Variants in AAAS observed in about 807,000 individuals in gnomAD.
AAAS encodes the protein aladin.
In AAAS, 60 loss-of-function variants were observed where a neutral mutation model predicts 75.6. That is an observed-to-expected ratio of 0.79 (90% CI 0.64 to 0.98). AAAS has a LOEUF of 0.98. AAAS is among the 50% of genes least tolerant of loss of function. AAAS has a pLI of 0.00. For missense variants in AAAS, 658 were observed against 686.9 expected (o/e 0.96, Z 0.47); for synonymous variants, 271 against 265.0 (o/e 1.02, Z -0.22).
rs1035170468 is a variant in AAAS, at chr12:53,308,452, T to A, written c.1164A>T (p.Thr388=). The A allele has an allele frequency of 6.2e-7, 1 of 1,614,194 alleles. No homozygotes were observed. The highest frequency in any genetic ancestry group is 1.1e-5 in the South Asian group (1 of 91,088). Residue 388 remains threonine (T), a synonymous_variant, in exon 12 of 16, where the codon ACA becomes ACT. Coordinates refer to ENST00000209873, the MANE Select transcript of AAAS (RefSeq NM_015665.6). ...VADLSETTIQ[T]PDGEERLGGE... is the part of the protein sequence containing the mutation. The stretch of plus-strand genomic sequence containing the variant: ...CAGCTCACCTCTCCTCACCATCTGG[T>A]GTCTGTATTGTTGTCTCAGACAGAT...
intron 7 of AAAS, among the ~76,000 whole-genome samples, chr12:53,313,148 G>A (rs1314040077): frequency 6.8e-5 from 9 of 132,674 alleles, no homozygotes; most frequent in East Asian, 4.5e-4. Context: ...GAGCCACCGC[G>A]CCTGGCCTTT....
chr12:53,319,149 T>C (rs1041059330), intron 2 of AAAS, among the ~76,000 whole-genome samples: 2 of 152,128 alleles, frequency 1.3e-5, no homozygotes, highest in African/African-American at 4.8e-5. Flanking sequence ...ACTTAATTTC[T>C]AGGAATTTAT....
rs758440592 is a variant in AAAS at position 53,314,832 on chromosome 12, C to T, written c.464G>A (p.Arg155His). ...GGTGTGGGGGTGCCATGCAAAGACA[C>T]GCAAGCAGCAGCTGGACCTAAGGAA... The part of the protein sequence containing the change: ...QVTNWSSCCL[R>H]VFAWHPHTNK... The change falls in exon 6 of 16, where the codon CGT (arginine) becomes CAT (histidine). Residue 155 changes from arginine (R) to histidine (H), a missense_variant. By Grantham distance (29) the Arg-to-His change is conservative (BLOSUM62 0). Transcript: ENST00000209873. The T allele has an allele frequency of 6.2e-5, 100 of 1,613,708 alleles. No homozygotes were observed. Among genetic ancestry groups the T allele is most frequent in the Non-Finnish European group, 8.2e-5 (97 of 1,179,896 alleles).
rs2121089852 is a variant in AAAS, at chr12:53,309,699, C to G, written c.712G>C (p.Val238Leu). 1.2e-6 allele frequency: 2 copies of G among 1,613,350 alleles called. No individual in the cohort carries two copies. The highest frequency in any genetic ancestry group is 8.5e-7 in the Non-Finnish European group (1 of 1,179,806). ...STRPSSGCAQ[V>L]LSHPGHTPVT... ...GGTGTATGCCCAGGGTGAGACAGCA[C>G]TTGGGCACAGCCAGAAGAGGGTCTG... Residue 238 changes from valine (V) to leucine (L), a missense_variant, in exon 8 of 16, where the codon GTG (valine) becomes CTG (leucine). By Grantham distance (32) the Val-to-Leu change is conservative (BLOSUM62 1). Coordinates refer to ENST00000209873, the MANE Select transcript of AAAS (RefSeq NM_015665.6).
chr12:53,318,947 T>C (rs569212375), intron 2 of AAAS, among the ~76,000 whole-genome samples: 13 of 152,240 alleles, frequency 8.5e-5, no homozygotes, highest in Admixed American at 7.2e-4. Flanking sequence ...CAAACTGATA[T>C]TCAACTTCAC....
chr12:53,318,453 T>C (rs1944500738), intron 2 of AAAS, among the ~76,000 whole-genome samples: 1 of 152,104 alleles, frequency 6.6e-6, no homozygotes, highest in African/African-American at 2.4e-5. Context: ...CCTCAAGTGA[T>C]ACACCCGCCT....
chr12:53,308,842 G>GA, intron 10 of AAAS, 27 bp from the exon 11 acceptor site: 1 of 1,613,778 alleles, frequency 6.2e-7, no homozygotes, highest in Non-Finnish European at 8.5e-7. Context: ...AAAGGCAGGA[G>GA]AAGGTATGTC....
At chr12:53,315,259 T>C in intron 4 of AAAS, 76 bp downstream of exon 4, 4 of 1,600,156 alleles carry the variant, frequency 2.5e-6, no homozygotes, top group South Asian at 1.1e-5. Context: ...AACCCTGACC[T>C]GCAAGGATAG....
At chr12:53,308,863 T>G (rs748827317) in intron 10 of AAAS, 48 bp from the exon 11 acceptor site, 6 of 1,613,328 alleles carry the variant, frequency 3.7e-6, no homozygotes, top group Non-Finnish European at 5.1e-6. Flanking sequence ...TATAGTAGAA[T>G]GCAGGAGGGA....
intron 2 of AAAS, among the ~76,000 whole-genome samples, chr12:53,320,050 G>A (rs1055030431): frequency 3.3e-5 from 5 of 151,908 alleles, no homozygotes; most frequent in African/African-American, 7.3e-5. Flanking sequence ...AACCTGGGAG[G>A]TGGAAGTTGC....
At chr12:53,319,077 T>C (rs889833304) in intron 2 of AAAS, among the ~76,000 whole-genome samples, 1 of 152,240 alleles carries the variant, frequency 6.6e-6, no homozygotes, top group Non-Finnish European at 1.5e-5. Context: ...TGTACCATTT[T>C]GACAGAGGGC....
rs1350103900 is a variant in AAAS, at chr12:53,321,550, T to A, written c.-85A>T. The A allele has an allele frequency of 1.0e-5, 16 of 1,604,384 alleles. No homozygotes were observed. The highest frequency in any genetic ancestry group is 1.2e-5 in the Non-Finnish European group (14 of 1,177,894). ...CACTCCCGCAACTCGGTTCCCGGGC[T>A]AGATTCGTATGCGGACGGGTACCGC... On this transcript the variant is annotated 5_prime_UTR_variant, in exon 1 of 16. Coordinates refer to ENST00000209873, the MANE Select transcript of AAAS (RefSeq NM_015665.6).
rs571101535 is a variant in AAAS at position 53,316,141 on chromosome 12, T to A, written c.252-359A>T. The stretch of plus-strand genomic sequence containing the variant: ...TTAGAAAGAGCAGTCTGGCTGCAGA[T>A]TAGAGAGTGATAAGAATAGAAAAGG... On this transcript the variant is annotated intron_variant, in intron 2 of 15. Transcript: ENST00000209873. 4.6e-5 allele frequency among the ~76,000 whole-genome samples: 7 copies of A among 152,276 alleles called. No individual in the cohort carries two copies. In the South Asian group the frequency reaches 1.4e-3, roughly 32 times the overall value.
intron 12 of AAAS, 28 bp downstream of exon 12, chr12:53,308,407 C>T (rs1240006236): frequency 6.2e-7 from 1 of 1,614,022 alleles, no homozygotes; most frequent in East Asian, 2.2e-5. Flanking sequence ...CTGCTTTTCA[C>T]TGCCACTCCC....
At chr12:53,316,666 C>T (rs1236448416) in intron 2 of AAAS, among the ~76,000 whole-genome samples, 3 of 142,672 alleles carry the variant, frequency 2.1e-5, no homozygotes, top group African/African-American at 7.8e-5. Context: ...TAGGCTGAGG[C>T]AGGAGAATCG....
At chr12:53,308,610 C>A in intron 11 of AAAS, 82 bp from the exon 12 acceptor site, 1 of 1,598,552 alleles carries the variant, frequency 6.3e-7, no homozygotes, top group Non-Finnish European at 8.6e-7. Flanking sequence ...AAGGCATCAA[C>A]ACCTCGAAAT....
Position 53,309,857 on chromosome 12 carries a change from A to G in AAAS, c.690-136T>C, listed in dbSNP as rs970002701. 9.4e-5 allele frequency: 127 copies of G among 1,353,996 alleles called. 1 individual carries two copies. The Middle Eastern group carries it at 1.5e-3, about 16-fold the overall frequency. The allele number at this position is 1,353,996 out of a possible 1,614,324, so 83.9% of individuals were successfully genotyped here. On this transcript the variant is annotated intron_variant, in intron 7 of 15. Coordinates refer to ENST00000209873, the MANE Select transcript of AAAS (RefSeq NM_015665.6). ...CTCAAATCCAGGTTGTGAAAAAGGAATAAGGATTGTGAAAGTTAAAAGAAA... is the reference window on the plus strand; with the variant it reads ...CTCAAATCCAGGTTGTGAAAAAGGAGTAAGGATTGTGAAAGTTAAAAGAAA...
chr12:53,318,705 G>A (rs1260308894), intron 2 of AAAS, among the ~76,000 whole-genome samples: 7 of 152,156 alleles, frequency 4.6e-5, no homozygotes, highest in Non-Finnish European at 8.8e-5. Flanking sequence ...CAGATTTGGA[G>A]AGAGAAATAA....
rs758598263 is a variant in AAAS, at chr12:53,308,078, G to C, written c.1305C>G (p.Asn435Lys). 1.2e-6 allele frequency: 2 copies of C among 1,614,126 alleles called. No individual in the cohort carries two copies. The highest frequency in any genetic ancestry group is 1.7e-6 in the Non-Finnish European group (2 of 1,180,056). Reference sequence around the variant, plus strand: ...AGGGAAGGAGCTCAAACACAGGGCTGTTTCGAGTGCGAAAAAGGAGGATGA... The same window carrying C: ...AGGGAAGGAGCTCAAACACAGGGCTCTTTCGAGTGCGAAAAAGGAGGATGA... ...KPVILLFRTRNSPVFELLPCG... is the reference protein window; with the variant it reads ...KPVILLFRTRKSPVFELLPCG... Residue 435 changes from asparagine (N) to lysine (K), a missense_variant, in exon 14 of 16, where the codon AAC becomes AAG. Coordinates refer to ENST00000209873, the MANE Select transcript of AAAS (RefSeq NM_015665.6).
Sources: allele counts gnomAD v4.1 joint callset (sites outside exome capture counted in the v4.1 genomes callset), GRCh38; gene constraint gnomAD v4.1.1; transcripts MANE v1.5; gene names NCBI Gene and HGNC (gene_info 2026-07-23, HGNC 2026-07-21).